Variants in RTTN observed in about 807,000 individuals in gnomAD.
RTTN encodes rotatin.
RTTN carries 182 observed loss-of-function variants against 269.2 expected under a neutral mutation model. The observed-to-expected ratio is 0.68, with a 90% CI of 0.60 to 0.76. The LOEUF (loss-of-function observed/expected upper bound fraction) is 0.76. RTTN is among the 30% of genes least tolerant of loss of function. The pLI, the probability that RTTN is intolerant of heterozygous loss-of-function variation, is 0.00. For missense variants in RTTN, 2,545 were observed against 2,608.6 expected (o/e 0.98, Z 0.53); for synonymous variants, 1,006 against 963.5 (o/e 1.04, Z -0.82).
At chr18:70,052,655 T>TATA (rs57460340) in intron 38 of RTTN, among the ~76,000 whole-genome samples, 1 of 148,172 alleles carries the variant, frequency 6.7e-6, no homozygotes. Context: ...TATATATATA[T>TATA]CATCACAATG....
intron 48 of RTTN, 78 bp from the exon 49 acceptor site, chr18:70,004,314 A>G (rs948911861): frequency 1.1e-6 from 1 of 881,072 alleles, no homozygotes; most frequent in African/African-American, 1.7e-5. Context: ...ACACATAAAC[A>G]AATACATATG....
At chr18:70,178,872 T>A (rs969551725) in intron 10 of RTTN, among the ~76,000 whole-genome samples, 35 of 151,988 alleles carry the variant, frequency 2.3e-4, no homozygotes, top group African/African-American at 8.4e-4. Flanking sequence ...TAAAAATGAG[T>A]CTGTGATCTG....
At chr18:70,087,221 T>C (rs775082791) in intron 31 of RTTN, among the ~76,000 whole-genome samples, 8 of 152,280 alleles carry the variant, frequency 5.3e-5, no homozygotes, top group South Asian at 2.1e-4. Context: ...AATAGGAGCA[T>C]TGATTGTCTG....
chr18:70,144,368 T>C (rs2145745456), intron 18 of RTTN, among the ~76,000 whole-genome samples: 1 of 152,226 alleles, frequency 6.6e-6, no homozygotes, highest in East Asian at 1.9e-4. Context: ...TTCTTTCTTT[T>C]AGAAGACCCC....
chr18:70,202,521 A>G (rs968272634), intron 3 of RTTN, among the ~76,000 whole-genome samples: 5 of 152,264 alleles, frequency 3.3e-5, no homozygotes, highest in African/African-American at 1.2e-4. Context: ...AGTTCCTAAC[A>G]CTAATAAAGA....
intron 5 of RTTN, among the ~76,000 whole-genome samples, chr18:70,198,273 A>C (rs2061860565): frequency 6.6e-6 from 1 of 152,072 alleles, no homozygotes; most frequent in South Asian, 2.1e-4. Flanking sequence ...CACCCCAAAA[A>C]AATCACACCC....
At chr18:70,199,383 A>C in intron 5 of RTTN, 31 bp downstream of exon 5, 1 of 1,482,532 alleles carries the variant, frequency 6.7e-7, no homozygotes, top group Non-Finnish European at 9.4e-7. Flanking sequence ...TAAGTGAACA[A>C]AAATACCTGA....
intron 31 of RTTN, among the ~76,000 whole-genome samples, chr18:70,087,089 G>A (rs777198087): frequency 6.6e-6 from 1 of 151,316 alleles, no homozygotes; most frequent in Non-Finnish European, 1.5e-5. Flanking sequence ...GCACCCCTCT[G>A]CCCCGCTTTC....
chr18:70,039,537 C>A (rs1046282895), intron 40 of RTTN, among the ~76,000 whole-genome samples: 21 of 152,076 alleles, frequency 1.4e-4, no homozygotes, highest in African/African-American at 4.8e-4. Flanking sequence ...CAACACTAGA[C>A]CTGTCCTACA....
chr18:70,015,515 C>T (rs17805166), intron 46 of RTTN, among the ~76,000 whole-genome samples: 5,899 of 152,210 alleles, frequency 0.039, 148 homozygotes, highest in Middle Eastern at 0.071. Flanking sequence ...CATAAATCCC[C>T]AAGTGGAAAG....
rs558617455 is a variant in RTTN at position 70,199,119 on chromosome 18, G to A, written c.578+295C>T. On this transcript the variant is annotated intron_variant, in intron 5 of 48. Transcript: ENST00000640769. ...CAAGAATCGCTTGAACCCAGGAGGC[G>A]GAGGTTGCATTGAGCCAGATGGTGC... 4.6e-5 allele frequency among the ~76,000 whole-genome samples: 7 copies of A among 152,202 alleles called. No homozygotes were observed. In the East Asian group the frequency reaches 1.2e-3, roughly 25 times the overall value.
chr18:70,074,658 G>A (rs1439226670), intron 33 of RTTN: 1 of 151,730 alleles, frequency 6.6e-6, no homozygotes, highest in Non-Finnish European at 1.5e-5. Flanking sequence ...TTTTCTGTAA[G>A]TTTGAAACTA....
intron 25 of RTTN, among the ~76,000 whole-genome samples, chr18:70,122,421 A>G (rs2059762751): frequency 6.6e-6 from 1 of 152,122 alleles, no homozygotes; most frequent in African/African-American, 2.4e-5. Flanking sequence ...ATCTAAAGCC[A>G]TTGCATCAAA....
chr18:70,148,876 G>C, intron 17 of RTTN, 25 bp downstream of exon 17: 1 of 1,610,160 alleles, frequency 6.2e-7, no homozygotes, highest in African/African-American at 1.3e-5. Flanking sequence ...AATCTTTGAC[G>C]TTCACAAGAT....
intron 34 of RTTN, among the ~76,000 whole-genome samples, chr18:70,072,836 G>A (rs2058331575): frequency 6.6e-6 from 1 of 151,998 alleles, no homozygotes; most frequent in Non-Finnish European, 1.5e-5. Flanking sequence ...TACTGCTCTT[G>A]TTGAGACAAA....
rs183337015 is a variant in RTTN at position 70,073,420 on chromosome 18, G to T, written c.4653+486C>A. Among the ~76,000 whole-genome samples, 591 of 152,230 alleles carry T rather than the reference G, an allele frequency of 3.9e-3. 13 individuals carry two copies. Among genetic ancestry groups the T allele is most frequent in the Admixed American group, 0.036 (549 of 15,286 alleles). ...GTTTAAAGCTGTCAGCACCACACTAGAATCATTTGAATGTTCTTCATATTG... is the reference window on the plus strand; with the variant it reads ...GTTTAAAGCTGTCAGCACCACACTATAATCATTTGAATGTTCTTCATATTG... On this transcript the variant is annotated intron_variant, in intron 34 of 48. Transcript: ENST00000640769.
At position 70,193,422 on chromosome 18, in the gene RTTN, A is replaced by G. The variant is rs1555779987; in HGVS notation, c.873T>C (p.Tyr291=). The G allele has an allele frequency of 3.9e-6, 6 of 1,554,012 alleles. No individual in the cohort carries two copies. Among genetic ancestry groups the G allele is most frequent in the Non-Finnish European group, 5.2e-6 (6 of 1,153,930 alleles). Residue 291 remains tyrosine, a synonymous_variant, in exon 8 of 49, where the codon TAT becomes TAC. Coordinates refer to ENST00000640769, the MANE Select transcript of RTTN (RefSeq NM_173630.4). ...DTVSQNSSLS[Y]CHEARGTHHS... ...GATGAGTACCTCTTGCTTCATGACA[A>G]TAAGACAAAGAAGAATTTTGGGAAA...
At chr18:70,095,693 G>A (rs1291864846) in intron 28 of RTTN, among the ~76,000 whole-genome samples, 2 of 152,104 alleles carry the variant, frequency 1.3e-5, no homozygotes, top group African/African-American at 4.8e-5. Context: ...GCTTCCCTTT[G>A]TGGGTAACCC....
intron 28 of RTTN, among the ~76,000 whole-genome samples, chr18:70,102,282 T>C (rs774579634): frequency 1.3e-5 from 2 of 152,238 alleles, no homozygotes; most frequent in Non-Finnish European, 2.9e-5. Flanking sequence ...CATATATATT[T>C]AGGATAGTTA....
Sources: allele counts gnomAD v4.1 joint callset (sites outside exome capture counted in the v4.1 genomes callset), GRCh38; gene constraint gnomAD v4.1.1; transcripts MANE v1.5; gene names NCBI Gene and HGNC (gene_info 2026-07-23, HGNC 2026-07-21).